The following CYP2C18 variants were observed in gnomAD, a reference collection of about 807,000 sequenced individuals.
CYP2C18 encodes cytochrome P450 2C18.
A neutral mutation model predicts 41.3 loss-of-function variants in CYP2C18; 38 were observed. The observed-to-expected ratio is 0.92, with a 90% confidence interval of 0.71 to 1.21. The LOEUF (loss-of-function observed/expected upper bound fraction) is 1.21, where lower values mean the gene tolerates loss of function less well. Among genes scored for constraint, CYP2C18 ranks in the 50% most tolerant of loss-of-function variants. The pLI is 0.00. For missense variants in CYP2C18, 635 were observed against 591.4 expected, an observed-to-expected ratio of 1.07 and a Z score of -0.77; for synonymous variants, 236 against 210.0, an observed-to-expected ratio of 1.12 and a Z score of -1.07.
chr10:94,723,798 A>G (rs533565296), intron 6 of CYP2C18, among the ~76,000 whole-genome samples: 1 of 152,314 alleles, frequency 6.6e-6, no homozygotes, highest in African/African-American at 2.4e-5. Flanking sequence ...AAAAATAAAA[A>G]GAGAGTCAGT....
intron 7 of CYP2C18, among the ~76,000 whole-genome samples, chr10:94,731,941 A>G (rs1847841025): frequency 6.6e-6 from 1 of 152,018 alleles, no homozygotes; most frequent in Admixed American, 6.6e-5. Context: ...AAAAGCAATC[A>G]CAATGAAAAA....
intron 5 of CYP2C18, among the ~76,000 whole-genome samples, chr10:94,713,066 CCACATAT>C (rs1847467800): frequency 1.3e-5 from 2 of 151,854 alleles, no homozygotes; most frequent in African/African-American, 4.8e-5. Flanking sequence ...TGTTTAAGTT[CCACATAT>C]ATGTGCATGC....
Position 94,692,678 on chromosome 10 carries a change from C to T in CYP2C18, c.482-2239C>T, listed in dbSNP as rs577157832. On this transcript the variant is annotated intron_variant, in intron 3 of 8. Coordinates refer to ENST00000285979, the MANE Select transcript of CYP2C18 (RefSeq NM_000772.3). ...CAGCCATCCCATTACTGGGTATATA[C>T]CCAAAGGATTATAAATTATGCTGCT... 3.4e-3 allele frequency among the ~76,000 whole-genome samples: 512 copies of T among 152,184 alleles called. 2 individuals carry two copies. The highest frequency in any genetic ancestry group is 0.012 in the African/African-American group (496 of 41,500).
intron 4 of CYP2C18, among the ~76,000 whole-genome samples, chr10:94,703,486 G>A (rs187536230): frequency 2.0e-5 from 3 of 152,242 alleles, no homozygotes; most frequent in Admixed American, 6.5e-5. Flanking sequence ...GTGGTGCTGC[G>A]GTGGGCACTG....
chr10:94,702,151 C>T (rs1847257894), intron 4 of CYP2C18, among the ~76,000 whole-genome samples: 1 of 152,208 alleles, frequency 6.6e-6, no homozygotes, highest in African/African-American at 2.4e-5. Context: ...ACCTTTCTCT[C>T]TGGCTGCCCT....
chr10:94,685,894 C>T (rs1238197748), intron 1 of CYP2C18, among the ~76,000 whole-genome samples: 1 of 152,016 alleles, frequency 6.6e-6, no homozygotes, highest in Admixed American at 6.6e-5. Context: ...TGGTTCCATA[C>T]AAATTTTAAG....
At chr10:94,727,692 T>A (rs941897745) in intron 7 of CYP2C18, among the ~76,000 whole-genome samples, 1 of 152,104 alleles carries the variant, frequency 6.6e-6, no homozygotes, top group Admixed American at 6.6e-5. Context: ...CTCTCCACAT[T>A]ACTGGGAGTG....
At chr10:94,690,278 C>T (rs535914063) in intron 3 of CYP2C18, among the ~76,000 whole-genome samples, 2 of 152,252 alleles carry the variant, frequency 1.3e-5, no homozygotes, top group South Asian at 4.2e-4. Flanking sequence ...CATAATGAGT[C>T]TGGTTTTCAG....
rs1564651155 is a variant in CYP2C18 at position 94,735,298 on chromosome 10, A to C, written c.1327A>C (p.Met443Leu). 6.2e-7 allele frequency: 1 copy of C among 1,613,662 alleles called. No homozygotes were observed. Among genetic ancestry groups the C allele is most frequent in the African/African-American group, 1.3e-5 (1 of 74,998 alleles). Residue 443 changes from methionine (M) to leucine (L), a missense_variant, in exon 9 of 9, where the codon ATG (methionine) becomes CTG (leucine). Met to Leu is a conservative substitution (Grantham distance 15). Coordinates refer to ENST00000285979, the MANE Select transcript of CYP2C18 (RefSeq NM_000772.3). ...GTGTATGGGAGAGGGCCTGGCCCGCATGGAGCTGTTTTTATTCCTGACCAC... is the reference window on the plus strand; with the variant it reads ...GTGTATGGGAGAGGGCCTGGCCCGCCTGGAGCTGTTTTTATTCCTGACCAC... ...RMCMGEGLAR[M>L]ELFLFLTTIL...
chr10:94,694,821 G>T, intron 3 of CYP2C18, 96 bp from the exon 4 acceptor site: 1 of 1,335,998 alleles, frequency 7.5e-7, no homozygotes, highest in Non-Finnish European at 1.0e-6. Context: ...GGTAGGTATT[G>T]GTTTAGAGTT....
At chr10:94,730,403 A>G (rs531677186) in intron 7 of CYP2C18, among the ~76,000 whole-genome samples, 1 of 152,342 alleles carries the variant, frequency 6.6e-6, no homozygotes, top group Admixed American at 6.5e-5. Flanking sequence ...GGGAAATCAC[A>G]AAACAGGTGA....
intron 4 of CYP2C18, among the ~76,000 whole-genome samples, chr10:94,698,157 C>T (rs1564639973): frequency 6.6e-6 from 1 of 152,190 alleles, no homozygotes. Context: ...GAACTCTCCA[C>T]CCCAAATCAA....
chr10:94,725,400 T>C (rs1452494747), intron 7 of CYP2C18, among the ~76,000 whole-genome samples: 1 of 152,040 alleles, frequency 6.6e-6, no homozygotes, highest in Non-Finnish European at 1.5e-5. Flanking sequence ...CTATGTATTC[T>C]GTGTTCTCTT....
chr10:94,707,032 G>A, intron 5 of CYP2C18, 72 bp downstream of exon 5: 1 of 1,317,550 alleles, frequency 7.6e-7, no homozygotes, highest in African/African-American at 1.5e-5. Context: ...TAAATAGTGA[G>A]GCAAGAAACA....
At chr10:94,689,492 C>T (rs1228523555) in intron 3 of CYP2C18, among the ~76,000 whole-genome samples, 4 of 152,168 alleles carry the variant, frequency 2.6e-5, no homozygotes, top group Non-Finnish European at 5.9e-5. Context: ...AAAGCACACT[C>T]TCCAGAGCCA....
intron 4 of CYP2C18, among the ~76,000 whole-genome samples, chr10:94,700,376 G>T (rs1036988342): frequency 1.3e-5 from 2 of 152,222 alleles, no homozygotes; most frequent in Non-Finnish European, 2.9e-5. Flanking sequence ...AAGCAATGGG[G>T]AGAGGATTCC....
intron 6 of CYP2C18, among the ~76,000 whole-genome samples, chr10:94,722,170 G>A (rs1847657732): frequency 6.6e-6 from 1 of 152,034 alleles, no homozygotes; most frequent in African/African-American, 2.4e-5. Flanking sequence ...AAACACTTAG[G>A]TGTATAATAA....
chr10:94,731,553 C>T lies in CYP2C18; in HGVS notation c.1150-1744C>T, dbSNP rs572419128. Among the ~76,000 whole-genome samples, 10 of 152,198 alleles carry T rather than the reference C, an allele frequency of 6.6e-5. No individual in the cohort carries two copies. The South Asian group carries it at 2.1e-3, about 32-fold the overall frequency. ...GAACAAAGCTGGAGTCGTCACGCTACCAGACTTCAAACTATGCTATAAGGC... is the reference window on the plus strand; with the variant it reads ...GAACAAAGCTGGAGTCGTCACGCTATCAGACTTCAAACTATGCTATAAGGC... On this transcript the variant is annotated intron_variant, in intron 7 of 8. Coordinates refer to ENST00000285979, the MANE Select transcript of CYP2C18 (RefSeq NM_000772.3).
Position 94,733,337 on chromosome 10 carries a change from A to G in CYP2C18, c.1190A>G (p.Asn397Ser), listed in dbSNP as rs1481838683. ...ACATCCCTGACTTCTGTGCTGCACA[A>G]TGACAAAGAATTCCCCAACCCAGAG... ...IITSLTSVLH[N>S]DKEFPNPEMF... The change falls in exon 8 of 9, where the codon AAT (asparagine) becomes AGT (serine). Residue 397 changes from asparagine (N) to serine (S), a missense_variant. By Grantham distance (46) the Asn-to-Ser change is conservative. Coordinates refer to ENST00000285979, the MANE Select transcript of CYP2C18 (RefSeq NM_000772.3). The G allele has an allele frequency of 1.2e-6, 2 of 1,613,368 alleles. No individual in the cohort carries two copies. The highest frequency in any genetic ancestry group is 1.1e-5 in the South Asian group (1 of 91,044).
Sources: allele counts gnomAD v4.1 joint callset (sites outside exome capture counted in the v4.1 genomes callset), GRCh38; gene constraint gnomAD v4.1.1; transcripts MANE v1.5; gene names NCBI Gene and HGNC (gene_info 2026-07-23, HGNC 2026-07-21).